The following NBN variants were observed in gnomAD, a reference collection of about 807,000 sequenced individuals.
NBN encodes nibrin.
A neutral mutation model predicts 90.8 loss-of-function variants in NBN; 88 were observed. The ratio of observed to expected loss-of-function variants is 0.97; its 90% CI spans 0.82 to 1.16. NBN has a LOEUF of 1.16. NBN is among the 50% of genes most tolerant of loss of function. The pLI is 0.00. For synonymous variants in NBN, 328 were observed against 295.1 expected, an observed-to-expected ratio of 1.11 and a Z score of -1.14; for missense variants, 894 against 869.6, an observed-to-expected ratio of 1.03 and a Z score of -0.35.
At position 89,953,285 on chromosome 8, in the gene NBN, T is replaced by C. The variant is rs1218915019; in HGVS notation, c.1804A>G (p.Thr602Ala). Reference protein sequence around the residue: ...RPRMDIETNDTFSDEAVPESS... With the variant: ...RPRMDIETNDAFSDEAVPESS... ...TCTGGTACTGCTTCATCACTGAAAG[T>C]GTCATTTGTTTCTATATCCATCCTT... The change falls in exon 11 of 16, where the codon ACT becomes GCT. Residue 602 changes from threonine (T) to alanine (A), a missense_variant. Physicochemically the swap from Thr to Ala is moderately conservative, Grantham distance 58. Coordinates refer to ENST00000265433, the MANE Select transcript of NBN (RefSeq NM_002485.5). 6.2e-7 allele frequency: 1 copy of C among 1,613,168 alleles called. No individual in the cohort carries two copies. Among genetic ancestry groups the C allele is most frequent in the Non-Finnish European group, 8.5e-7 (1 of 1,179,718 alleles).
intron 14 of NBN, among the ~76,000 whole-genome samples, 185 bp downstream of exon 14, chr8:89,943,068 T>TATTCTTTTAAAGA (rs1419175807): frequency 2.0e-5 from 3 of 151,890 alleles, no homozygotes; most frequent in Non-Finnish European, 4.4e-5. Context: ...AAAATAAATT[T>TATTCTTTTAAAGA]AGTATTCTTT....
At chr8:89,940,171 AACCTCCCAG>A (rs1342467558) in intron 14 of NBN, among the ~76,000 whole-genome samples, 2 of 152,090 alleles carry the variant, frequency 1.3e-5, no homozygotes, top group East Asian at 3.9e-4. Flanking sequence ...CTGCAACCTT[AACCTCCCAG>A]GCTCAAGCAA....
In NBN at chr8:89,943,272, C is replaced by G. The variant is rs786204181; in HGVS notation, c.2165G>C (p.Trp722Ser). Residue 722 changes from tryptophan to serine, a missense_variant, in exon 14 of 16, where the codon TGG (tryptophan) becomes TCG (serine). By Grantham distance (177) the Trp-to-Ser change is radical. Transcript: ENST00000265433. Reference sequence around the variant, plus strand: ...ACTAACCTCCATTTCCTGCCTTAGCCACTCTTCTAGTTCTGTATTCTTTCG... The same window carrying G: ...ACTAACCTCCATTTCCTGCCTTAGCGACTCTTCTAGTTCTGTATTCTTTCG... ...HARKNTELEE[W>S]LRQEMEVQNQ... is the part of the protein sequence containing the mutation. 1.1e-5 allele frequency: 17 copies of G among 1,613,540 alleles called. No homozygotes were observed. Among genetic ancestry groups the G allele is most frequent in the Non-Finnish European group, 1.4e-5 (17 of 1,179,752 alleles).
intron 8 of NBN, among the ~76,000 whole-genome samples, chr8:89,963,902 C>T (rs1221377609): frequency 1.3e-5 from 2 of 152,202 alleles, no homozygotes; most frequent in Non-Finnish European, 2.9e-5. Flanking sequence ...TCCTCTTACA[C>T]TGTCGACCCT....
intron 14 of NBN, among the ~76,000 whole-genome samples, chr8:89,942,354 A>G (rs1809988178): frequency 6.6e-6 from 1 of 152,204 alleles, no homozygotes; most frequent in Non-Finnish European, 1.5e-5. Flanking sequence ...AAGTGGTCTC[A>G]TATTGGTAGA....
chr8:89,981,706 G>T, intron 2 of NBN, 183 bp from the exon 3 acceptor site: 2 of 665,710 alleles, frequency 3.0e-6, no homozygotes, highest in Non-Finnish European at 2.5e-6. Flanking sequence ...TTTCCCCTTA[G>T]GGAAGTTTCT....
chr8:89,975,928 A>G (rs1296805111), intron 5 of NBN, among the ~76,000 whole-genome samples: 1 of 152,240 alleles, frequency 6.6e-6, no homozygotes, highest in Non-Finnish European at 1.5e-5. Context: ...AAGAGGCTTC[A>G]GGGAAAAATG....
In NBN at chr8:89,962,360, TTA is replaced by T. The variant is rs150390736; in HGVS notation, c.994+2048_994+2049del. On this transcript the variant is annotated intron_variant, in intron 8 of 15. Transcript: ENST00000265433. ...ACTGACTTAGACCTAATCACCGTTT[TTA>T]TATGTTTGTTGTAATTAAAGTCTAA... Among the ~76,000 whole-genome samples, 1,039 of 152,320 alleles carry T rather than the reference TTA, an allele frequency of 6.8e-3. 15 individuals are homozygous for T. Among genetic ancestry groups the T allele is most frequent in the African/African-American group, 0.024 (978 of 41,556 alleles).
intron 7 of NBN, among the ~76,000 whole-genome samples, chr8:89,966,197 T>G (rs1253063496): frequency 6.6e-6 from 1 of 152,178 alleles, no homozygotes; most frequent in Non-Finnish European, 1.5e-5. Context: ...AACACTGCTC[T>G]GGAGGTCCCA....
intron 5 of NBN, among the ~76,000 whole-genome samples, chr8:89,973,639 A>G (rs1811613450): frequency 6.6e-6 from 1 of 152,240 alleles, no homozygotes; most frequent in South Asian, 2.1e-4. Flanking sequence ...GATGAGAGCA[A>G]GAAAGAAAAG....
intron 7 of NBN, among the ~76,000 whole-genome samples, chr8:89,967,668 C>T (rs919976353): frequency 3.3e-5 from 5 of 151,998 alleles, no homozygotes; most frequent in Admixed American, 1.3e-4. Flanking sequence ...GCTGAGATAC[C>T]GGAAAAAGGT....
At chr8:89,956,317 A>C (rs1810714775) in intron 9 of NBN, among the ~76,000 whole-genome samples, 1 of 152,108 alleles carries the variant, frequency 6.6e-6, no homozygotes. Context: ...AATTAAAATA[A>C]ATAAGGTTTA....
At chr8:89,964,631 T>G in intron 7 of NBN, 124 bp from the exon 8 acceptor site, 1 of 969,004 alleles carries the variant, frequency 1.0e-6, no homozygotes, top group African/African-American at 1.6e-5. Flanking sequence ...TAGACAGAAT[T>G]TCAAATGCAG....
In NBN at chr8:89,947,858, T is replaced by C. The variant is rs762174459; in HGVS notation, c.1880A>G (p.Lys627Arg). 2 of 1,582,510 alleles carry C rather than the reference T, an allele frequency of 1.3e-6. No homozygotes were observed. The highest frequency in any genetic ancestry group is 1.1e-5 in the South Asian group (1 of 88,928). Reference sequence around the variant, plus strand: ...TTTAGCTGACCATAGTGAGTCTTCCTTGAGTTCACGTTTCTTCCCAATTTC... The same window carrying C: ...TTTAGCTGACCATAGTGAGTCTTCCCTGAGTTCACGTTTCTTCCCAATTTC... ...ENEIGKKREL[K>R]EDSLWSAKEI... The change falls in exon 12 of 16, where the codon AAG becomes AGG. Residue 627 changes from lysine to arginine, a missense_variant. By Grantham distance (26) the Lys-to-Arg change is conservative. Transcript: ENST00000265433.
intron 2 of NBN, chr8:89,981,915 T>C: frequency 1.0e-6 from 1 of 976,750 alleles, no homozygotes; most frequent in Non-Finnish European, 1.4e-6. Flanking sequence ...ATTAGTCCCA[T>C]GAGAATACGA....
In NBN at chr8:89,979,988, T is replaced by G. The variant is rs141535370; in HGVS notation, c.480+746A>C. ...GTGCATCCCTACTGAAAACCATAAATGGACACTTTGATTTGTAAATCTACT... is the reference window on the plus strand; with the variant it reads ...GTGCATCCCTACTGAAAACCATAAAGGGACACTTTGATTTGTAAATCTACT... On this transcript the variant is annotated intron_variant, in intron 4 of 15. Coordinates refer to ENST00000265433, the MANE Select transcript of NBN (RefSeq NM_002485.5). Among the ~76,000 whole-genome samples the G allele has an allele frequency of 4.5e-3, 686 of 152,332 alleles. 8 individuals are homozygous for G. Among genetic ancestry groups the G allele is most frequent in the African/African-American group, 0.016 (654 of 41,564 alleles).
At position 89,951,268 on chromosome 8, in the gene NBN, C is replaced by T. The variant is rs187860233; in HGVS notation, c.1845+1976G>A. Among the ~76,000 whole-genome samples the T allele has an allele frequency of 4.1e-5, 6 of 144,626 alleles. No individual in the cohort carries two copies. In the East Asian group the frequency reaches 8.2e-4, roughly 20 times the overall value. 94.9% of individuals were successfully genotyped at this position (144,626 alleles called of 152,430 possible). The stretch of plus-strand genomic sequence containing the variant: ...CGGAGCTTGCAGTGAGCGGAGATCA[C>T]GCCACTGAACTCCAGCCTGGGTGAC... On this transcript the variant is annotated intron_variant, in intron 11 of 15. Coordinates refer to ENST00000265433, the MANE Select transcript of NBN (RefSeq NM_002485.5).
intron 9 of NBN, 63 bp downstream of exon 9, chr8:89,958,662 C>T (rs1266868321): frequency 2.6e-6 from 4 of 1,559,464 alleles, no homozygotes; most frequent in Admixed American, 3.3e-5. Context: ...GCATTACTTC[C>T]TGAATATACT....
At chr8:89,955,720 A>C (rs776315790) in intron 9 of NBN, 165 bp from the exon 10 acceptor site, 4 of 307,250 alleles carry the variant, frequency 1.3e-5, no homozygotes, top group Admixed American at 6.5e-5. Flanking sequence ...CAACTCCTTT[A>C]TTACCTAAGC....
Sources: allele counts gnomAD v4.1 joint callset (sites outside exome capture counted in the v4.1 genomes callset), GRCh38; gene constraint gnomAD v4.1.1; transcripts MANE v1.5; gene names NCBI Gene and HGNC (gene_info 2026-07-23, HGNC 2026-07-21).